DOCK8: variants seen among roughly 807,000 people sequenced by gnomAD.
The protein encoded by DOCK8 is dedicator of cytokinesis protein 8.
DOCK8 carries 141 observed loss-of-function variants against 245.6 expected under a neutral mutation model. That is an observed-to-expected ratio of 0.57 (90% CI 0.50 to 0.66). DOCK8 has a LOEUF of 0.66. DOCK8 is among the 30% of genes least tolerant of loss of function. The pLI is 0.00. For missense variants in DOCK8, 2,965 were observed against 2,603.4 expected, an observed-to-expected ratio of 1.14 and a Z score of -3.02; for synonymous variants, 1,168 against 970.2, an observed-to-expected ratio of 1.20 and a Z score of -3.79.
At chr9:391,955 G>A (rs1020543126) in intron 24 of DOCK8, among the ~76,000 whole-genome samples, 10 of 150,952 alleles carry the variant, frequency 6.6e-5, no homozygotes, top group Non-Finnish European at 1.0e-4. Flanking sequence ...CCTGGCCAAC[G>A]TGACAAAACC....
intron 2 of DOCK8, among the ~76,000 whole-genome samples, chr9:279,607 T>C (rs1046150300): frequency 6.6e-6 from 1 of 152,140 alleles, no homozygotes; most frequent in African/African-American, 2.4e-5. Context: ...TTGCCTTCCA[T>C]GGGAAGAAAG....
At chr9:409,954 A>T (rs2055641982) in intron 28 of DOCK8, among the ~76,000 whole-genome samples, 1 of 152,180 alleles carries the variant, frequency 6.6e-6, no homozygotes, top group African/African-American at 2.4e-5. Flanking sequence ...ATTGATGGAC[A>T]TTTGGGTTGG....
intron 10 of DOCK8, among the ~76,000 whole-genome samples, chr9:333,036 T>A (rs531267580): frequency 7.3e-4 from 111 of 152,266 alleles, no homozygotes; most frequent in Non-Finnish European, 1.3e-3. Context: ...CATAACTTGA[T>A]TGGGGCAAGG....
rs569333755 is a variant in DOCK8 at position 404,557 on chromosome 9, T to C, written c.3235-361T>C. Among the ~76,000 whole-genome samples the C allele has an allele frequency of 3.2e-4, 49 of 152,330 alleles. No homozygotes were observed. The Middle Eastern group carries it at 0.01, about 32-fold the overall frequency. On this transcript the variant is annotated intron_variant, in intron 26 of 47. Transcript: ENST00000432829. ...CAGGCTCATATGAGGTCAACTCCTT[T>C]CATTTAGTTTCTCGAACATAGTAGA...
intron 2 of DOCK8, among the ~76,000 whole-genome samples, chr9:285,883 A>G (rs1302470438): frequency 1.3e-5 from 2 of 152,196 alleles, no homozygotes; most frequent in Non-Finnish European, 2.9e-5. Flanking sequence ...CAGTCGCCCC[A>G]GTGACATTTA....
intron 46 of DOCK8, among the ~76,000 whole-genome samples, chr9:453,328 G>A (rs2057525973): frequency 6.6e-6 from 1 of 152,136 alleles, no homozygotes; most frequent in Non-Finnish European, 1.5e-5. Context: ...TCCTGTATTT[G>A]ACAACAATTC....
intron 2 of DOCK8, chr9:277,058 C>T: frequency 8.2e-6 from 2 of 242,702 alleles, no homozygotes; most frequent in South Asian, 3.5e-5. Flanking sequence ...ATCTGCCTGC[C>T]TTGGCCTCCC....
At chr9:366,968 C>G (rs1255594384) in intron 14 of DOCK8, among the ~76,000 whole-genome samples, 2 of 152,174 alleles carry the variant, frequency 1.3e-5, no homozygotes, top group Non-Finnish European at 2.9e-5. Context: ...ATGAGCATGA[C>G]TCTGGAACTA....
At chr9:386,046 CAG>C (rs1299259279) in intron 22 of DOCK8, among the ~76,000 whole-genome samples, 1 of 152,092 alleles carries the variant, frequency 6.6e-6, no homozygotes. Context: ...CCTGAAGTCA[CAG>C]ACTCCTAGAA....
chr9:426,665 GGGATGA>G (rs2056513512), intron 33 of DOCK8, among the ~76,000 whole-genome samples: 1 of 152,124 alleles, frequency 6.6e-6, no homozygotes, highest in African/African-American at 2.4e-5. Context: ...AATAATAGTG[GGGATGA>G]GGATGACCAG....
chr9:401,052 CCAT>C (rs2055064615), intron 26 of DOCK8, among the ~76,000 whole-genome samples: 1 of 138,074 alleles, frequency 7.2e-6, no homozygotes, highest in Non-Finnish European at 1.6e-5. Context: ...ACTTCTTCCA[CCAT>C]CATCATTGTC....
intron 1 of DOCK8, among the ~76,000 whole-genome samples, chr9:260,392 G>A (rs1455695585): frequency 6.6e-6 from 1 of 152,178 alleles, no homozygotes; most frequent in Non-Finnish European, 1.5e-5. Flanking sequence ...TCAAATAAAT[G>A]GATTCTTGGT....
intron 1 of DOCK8, among the ~76,000 whole-genome samples, chr9:248,177 C>G (rs768359226): frequency 6.6e-6 from 1 of 152,240 alleles, no homozygotes; most frequent in Non-Finnish European, 1.5e-5. Flanking sequence ...ACCACATTCA[C>G]TGTCCACCCT....
In DOCK8 at chr9:302,534, A is replaced by G. The variant is rs989999170; in HGVS notation, c.405-2047A>G. 3.9e-5 allele frequency among the ~76,000 whole-genome samples: 6 copies of G among 152,378 alleles called. 1 individual carries two copies. In the South Asian group the frequency reaches 1.2e-3, roughly 32 times the overall value. ...TTAAACTAAAGAGCTTCTGCACAGC[A>G]GAAGAAACTATCAACAGAGTAAACT... On this transcript the variant is annotated intron_variant, in intron 4 of 47. Coordinates refer to ENST00000432829, the MANE Select transcript of DOCK8 (RefSeq NM_203447.4).
chr9:214,378 G>T, upstream of DOCK8: 1 of 776,604 alleles, frequency 1.3e-6, no homozygotes, highest in Non-Finnish European at 2.1e-6. Flanking sequence ...TTTATTTAGT[G>T]TCTCAGGAAG....
rs142834009 is a variant in DOCK8, at chr9:462,829, G to A, written c.6069-688G>A. On this transcript the variant is annotated intron_variant, in intron 46 of 47. Coordinates refer to ENST00000432829, the MANE Select transcript of DOCK8 (RefSeq NM_203447.4). ...TGCTGTAAATCACAGTGAGTTTTTT[G>A]TAAGTGTAACAGCTTCCATTCTGCA... is the stretch of plus-strand genomic sequence containing the variant. Among the ~76,000 whole-genome samples the A allele has an allele frequency of 2.3e-3, 350 of 152,268 alleles. 1 individual carries two copies. The highest frequency in any genetic ancestry group is 7.8e-3 in the African/African-American group (323 of 41,548).
chr9:215,163 G>T (rs770378351), intron 1 of DOCK8, 134 bp downstream of exon 1: 5 of 1,493,356 alleles, frequency 3.3e-6, no homozygotes, highest in Middle Eastern at 1.9e-4. Context: ...GACCTGGGGC[G>T]CCCGGTTCCC....
At chr9:269,501 A>G (rs1210480914) in intron 1 of DOCK8, among the ~76,000 whole-genome samples, 1 of 151,008 alleles carries the variant, frequency 6.6e-6, no homozygotes, top group South Asian at 2.1e-4. Flanking sequence ...CTTTATGAAT[A>G]AGGCTGCTAC....
Position 400,928 on chromosome 9 carries a change from ACAACAT to A in DOCK8, c.3234+1671_3234+1676del, listed in dbSNP as rs1472701671. Among the ~76,000 whole-genome samples the A allele has an allele frequency of 5.9e-4, 34 of 57,342 alleles. 1 individual carries two copies. Among genetic ancestry groups the A allele is most frequent in the Admixed American group, 1.7e-3 (8 of 4,736 alleles). The allele number at this position is 57,342 out of a possible 152,430, so 37.6% of individuals were successfully genotyped here. A position where few individuals can be genotyped will look rare whatever the true frequency, so the allele number is the denominator to read the frequency against. On this transcript the variant is annotated intron_variant, in intron 26 of 47. Transcript: ENST00000432829. ...TACCAACAGCTCCTTCACCATCACC[ACAACAT>A]CCACCACCACCATCACCACCACCAC...
Sources: allele counts gnomAD v4.1 joint callset (sites outside exome capture counted in the v4.1 genomes callset), GRCh38; gene constraint gnomAD v4.1.1; transcripts MANE v1.5; gene names NCBI Gene and HGNC (gene_info 2026-07-23, HGNC 2026-07-21).